ABL1: variants seen among roughly 807,000 people sequenced by gnomAD.
ABL1 encodes the protein tyrosine-protein kinase ABL1.
Under a neutral mutation model 94.7 loss-of-function variants are expected in ABL1, and 11 were observed. The observed-to-expected ratio is 0.12, with a 90% CI of 0.07 to 0.19. The LOEUF (loss-of-function observed/expected upper bound fraction) is 0.19, where lower values mean the gene tolerates loss of function less well. ABL1 is among the 10% of genes least tolerant of loss of function. The pLI, the probability that ABL1 is intolerant of heterozygous loss-of-function variation, is 1.00. For missense variants in ABL1, 1,082 were observed against 1,489.4 expected (o/e 0.73, Z 4.50); for synonymous variants, 656 against 622.4 (o/e 1.05, Z -0.80).
At chr9:130,750,352 G>GA (rs199993984) in intron 1 of ABL1, among the ~76,000 whole-genome samples, 2 of 146,184 alleles carry the variant, frequency 1.4e-5, no homozygotes. Context: ...TAAAGAGGAG[G>GA]AAAAAAAATC....
At chr9:130,864,698 C>G (rs1043837889) in intron 4 of ABL1, among the ~76,000 whole-genome samples, 1 of 152,160 alleles carries the variant, frequency 6.6e-6, no homozygotes, top group African/African-American at 2.4e-5. Context: ...AGGATTGCAG[C>G]GCAGCAGTCC....
chr9:130,847,658 C>T (rs906864049), intron 1 of ABL1, among the ~76,000 whole-genome samples: 45 of 152,140 alleles, frequency 3.0e-4, no homozygotes, highest in Admixed American at 2.6e-3. Context: ...GTGTCTCGGT[C>T]CAGAGGCATG....
intron 1 of ABL1, among the ~76,000 whole-genome samples, chr9:130,769,480 C>T (rs1216306946): frequency 1.3e-5 from 2 of 151,692 alleles, no homozygotes; most frequent in Non-Finnish European, 2.9e-5. Flanking sequence ...TACAGGTGTG[C>T]ACCACCATGA....
At chr9:130,718,727 A>G (rs191166211) in intron 1 of ABL1, among the ~76,000 whole-genome samples, 15 of 152,300 alleles carry the variant, frequency 9.8e-5, no homozygotes, top group Admixed American at 9.8e-4. Flanking sequence ...CAACAAGAAC[A>G]AAAGAAATTA....
At chr9:130,754,434 G>T (rs1270570158) in intron 1 of ABL1, among the ~76,000 whole-genome samples, 2 of 150,940 alleles carry the variant, frequency 1.3e-5, no homozygotes, top group Non-Finnish European at 2.9e-5. Flanking sequence ...CGTGAACCTG[G>T]GAGGCGGAGC....
At chr9:130,773,482 A>T (rs1356207817) in intron 1 of ABL1, among the ~76,000 whole-genome samples, 1 of 152,092 alleles carries the variant, frequency 6.6e-6, no homozygotes, top group Non-Finnish European at 1.5e-5. Flanking sequence ...GTTTTGAAAT[A>T]GGGTCTTGCT....
chr9:130,803,293 C>T (rs1160473374), intron 1 of ABL1, among the ~76,000 whole-genome samples: 1 of 152,204 alleles, frequency 6.6e-6, no homozygotes, highest in East Asian at 1.9e-4. Context: ...CCGCCTCAGC[C>T]TCCCCAAGTG....
chr9:130,855,230 T>C, intron 3 of ABL1, 134 bp downstream of exon 3: 1 of 1,025,034 alleles, frequency 9.8e-7, no homozygotes, highest in Non-Finnish European at 1.4e-6. Context: ...TGGGAGTCAT[T>C]CCATTAGCCT....
chr9:130,740,504 T>C (rs968441835), intron 1 of ABL1, among the ~76,000 whole-genome samples: 2 of 152,264 alleles, frequency 1.3e-5, no homozygotes, highest in South Asian at 4.1e-4. Context: ...AGCCAGCTCT[T>C]GGCTCCATTT....
chr9:130,836,610 G>A (rs899894555), intron 1 of ABL1, among the ~76,000 whole-genome samples: 1 of 151,946 alleles, frequency 6.6e-6, no homozygotes, highest in Admixed American at 6.6e-5. Flanking sequence ...GATTATTTGA[G>A]GTCAGGATTT....
At chr9:130,759,737 C>A (rs531441112) in intron 1 of ABL1, among the ~76,000 whole-genome samples, 1 of 151,960 alleles carries the variant, frequency 6.6e-6, no homozygotes, top group African/African-American at 2.4e-5. Context: ...GTGGTGGAGC[C>A]GGTATAGGAG....
At chr9:130,755,484 C>T (rs567325866) in intron 1 of ABL1, among the ~76,000 whole-genome samples, 13 of 152,168 alleles carry the variant, frequency 8.5e-5, no homozygotes, top group Admixed American at 3.3e-4. Context: ...TCAGTGCTTT[C>T]TGCATATGTG....
intron 1 of ABL1, among the ~76,000 whole-genome samples, chr9:130,737,808 C>T (rs1831763539): frequency 6.6e-6 from 1 of 151,186 alleles, no homozygotes; most frequent in Non-Finnish European, 1.5e-5. Context: ...TGTGTTAAAA[C>T]AGCCTCTGTC....
intron 1 of ABL1, among the ~76,000 whole-genome samples, chr9:130,727,228 G>T: frequency 6.7e-6 from 1 of 148,846 alleles, no homozygotes; most frequent in South Asian, 2.1e-4. Flanking sequence ...CTATAGCTTT[G>T]CTGAGGTTTT....
At position 130,758,206 on chromosome 9, in the gene ABL1, G is replaced by T. The variant is rs144255561; in HGVS notation, c.136+43751G>T. Among the ~76,000 whole-genome samples the T allele has an allele frequency of 4.9e-3, 736 of 151,138 alleles. 6 individuals carry two copies. The highest frequency in any genetic ancestry group is 0.017 in the African/African-American group (709 of 41,224). On this transcript the variant is annotated intron_variant, in intron 1 of 10. Coordinates refer to the ABL1 transcript ENST00000372348. ...GACAGAGTCTCGCTCTGTCACCCAA[G>T]TTGGAGTGCAGTGGTGCGATCTTGG...
intron 1 of ABL1, among the ~76,000 whole-genome samples, chr9:130,766,922 C>G (rs775600565): frequency 2.6e-5 from 4 of 152,106 alleles, no homozygotes; most frequent in Non-Finnish European, 5.9e-5. Flanking sequence ...GGGTACCCAT[C>G]TCAGTTAGAG....
At chr9:130,794,612 G>GCC (rs1829950543) in intron 1 of ABL1, among the ~76,000 whole-genome samples, 2 of 152,136 alleles carry the variant, frequency 1.3e-5, no homozygotes, top group African/African-American at 4.8e-5. Flanking sequence ...CAACTGCATT[G>GCC]TTTTGATTAC....
chr9:130,765,909 G>A (rs551424316), intron 1 of ABL1, among the ~76,000 whole-genome samples: 4 of 152,318 alleles, frequency 2.6e-5, no homozygotes, highest in East Asian at 3.9e-4. Flanking sequence ...GTGGAAAAAC[G>A]GTTTGTCAGC....
At position 130,887,524 on chromosome 9, in the gene ABL1, C is replaced by G. The variant is rs1030227670; in HGVS notation, c.*1841C>G. 2 of 233,194 alleles carry G rather than the reference C, an allele frequency of 8.6e-6. No individual in the cohort carries two copies. The highest frequency in any genetic ancestry group is 1.7e-5 in the Non-Finnish European group (2 of 117,932). The allele number at this position is 233,194 out of a possible 1,614,324, so 14.4% of individuals were successfully genotyped here. A position where few individuals can be genotyped will look rare whatever the true frequency, so the allele number is the denominator to read the frequency against. On this transcript the variant is annotated 3_prime_UTR_variant, in exon 11 of 11. Transcript: ENST00000318560. Reference sequence around the variant, plus strand: ...TTCTAAGTGGCGTGTGCATAGCGTCCTGCCCTGCCCCCTCGGGGGCCTGTG... The same window carrying G: ...TTCTAAGTGGCGTGTGCATAGCGTCGTGCCCTGCCCCCTCGGGGGCCTGTG...
Sources: gnomAD v4.1 joint callset for allele counts (sites outside exome capture counted in the v4.1 genomes callset) on GRCh38, gnomAD v4.1.1 for gene constraint, MANE v1.5 for transcripts, NCBI Gene and HGNC (gene_info 2026-07-23, HGNC 2026-07-21) for gene names.